Variants in FARP1 observed in about 807,000 individuals in gnomAD.
The protein encoded by FARP1 is FERM, ARH/RhoGEF and pleckstrin domain protein 1.
A neutral mutation model predicts 128.8 loss-of-function variants in FARP1; 52 were observed. The ratio of observed to expected loss-of-function variants is 0.40; its 90% CI spans 0.32 to 0.51. FARP1 has a LOEUF of 0.51. Ranked by LOEUF, FARP1 falls within the 20% of genes least tolerant of loss-of-function variation. The pLI, the probability that FARP1 is intolerant of heterozygous loss-of-function variation, is 0.45. For missense variants in FARP1, 1,333 were observed against 1,367.9 expected (o/e 0.97, Z 0.40); for synonymous variants, 580 against 551.8 (o/e 1.05, Z -0.72).
chr13:98,167,251 C>T (rs1877331728), intron 1 of FARP1, among the ~76,000 whole-genome samples: 1 of 151,936 alleles, frequency 6.6e-6, no homozygotes. Context: ...ATAGGCGTTC[C>T]TTTGTATATG....
At chr13:98,385,983 C>T in intron 8 of FARP1, 169 bp downstream of exon 8, 1 of 642,830 alleles carries the variant, frequency 1.6e-6, no homozygotes. Flanking sequence ...CCCTCAGCTC[C>T]CAGATTCTAT....
chr13:98,439,963 T>C lies in FARP1; in HGVS notation c.2436T>C (p.Ile812=). The C allele has an allele frequency of 6.4e-7, 1 of 1,568,902 alleles. No individual in the cohort carries two copies. The highest frequency in any genetic ancestry group is 1.2e-5 in the South Asian group (1 of 85,712). ...HGQLPLYGMT[I]EESEDEWGVP... ...ACGTTATCTTCTCTTGCCCACAGAT[T>C]GAGGAGAGCGAAGACGAGTGGGGGG... Residue 812 remains isoleucine (I), a splice_region_variant and synonymous_variant, in exon 22 of 27, where the codon ATT becomes ATC. Transcript: ENST00000319562.
intron 2 of FARP1, among the ~76,000 whole-genome samples, chr13:98,311,939 G>A (rs1161939144): frequency 3.3e-5 from 5 of 151,188 alleles, no homozygotes; most frequent in Non-Finnish European, 7.4e-5. Flanking sequence ...CGCCTCCCAG[G>A]TTCAAGCAGT....
At chr13:98,444,058 G>A (rs1413700399) in intron 24 of FARP1, among the ~76,000 whole-genome samples, 3 of 152,046 alleles carry the variant, frequency 2.0e-5, no homozygotes, top group Non-Finnish European at 4.4e-5. Flanking sequence ...GGGAGGCCTT[G>A]AGGGAAAATG....
intron 3 of FARP1, among the ~76,000 whole-genome samples, chr13:98,353,232 ACT>A (rs1316190395): frequency 6.6e-6 from 1 of 151,870 alleles, no homozygotes; most frequent in African/African-American, 2.4e-5. Flanking sequence ...TTACGATGAA[ACT>A]CTGCATAGTG....
At chr13:98,437,603 G>A (rs1360279233) in intron 19 of FARP1, among the ~76,000 whole-genome samples, 1 of 152,150 alleles carries the variant, frequency 6.6e-6, no homozygotes, top group African/African-American at 2.4e-5. Context: ...CGCGGTTGCA[G>A]CGAACTCACT....
intron 2 of FARP1, among the ~76,000 whole-genome samples, chr13:98,318,310 G>A (rs1408469427): frequency 2.6e-5 from 4 of 151,962 alleles, no homozygotes; most frequent in East Asian, 3.9e-4. Context: ...GCACACATTG[G>A]CCTTCCAAAA....
intron 16 of FARP1, among the ~76,000 whole-genome samples, chr13:98,422,170 C>G (rs1327486695): frequency 1.3e-5 from 2 of 152,266 alleles, no homozygotes; most frequent in East Asian, 1.9e-4. Flanking sequence ...AAGGGCTGGC[C>G]TGAAGATTAA....
At chr13:98,293,481 A>C (rs1885535101) in intron 2 of FARP1, among the ~76,000 whole-genome samples, 1 of 152,170 alleles carries the variant, frequency 6.6e-6, no homozygotes, top group South Asian at 2.1e-4. Flanking sequence ...CCCATCTCTG[A>C]GGTACCAGGC....
intron 1 of FARP1, among the ~76,000 whole-genome samples, chr13:98,191,816 G>A (rs1472602495): frequency 3.9e-5 from 6 of 152,200 alleles, no homozygotes; most frequent in Non-Finnish European, 8.8e-5. Flanking sequence ...GGTGGCGCAT[G>A]CCTGTAATCT....
At chr13:98,448,193 C>A in intron 26 of FARP1, 43 bp from the exon 27 acceptor site, 18 of 1,527,984 alleles carry the variant, frequency 1.2e-5, no homozygotes, top group Non-Finnish European at 1.6e-5. Flanking sequence ...GTCAGGAGTC[C>A]GTCCAAACAA....
intron 1 of FARP1, among the ~76,000 whole-genome samples, chr13:98,153,592 C>G (rs773545128): frequency 2.0e-4 from 10 of 50,560 alleles, no homozygotes; most frequent in Non-Finnish European, 6.1e-4. Flanking sequence ...GAGATAGACT[C>G]TTGCTTTGTT....
intron 2 of FARP1, among the ~76,000 whole-genome samples, chr13:98,314,020 TCC>T (rs1886607261): frequency 6.6e-6 from 1 of 152,116 alleles, no homozygotes. Flanking sequence ...AAGCTACAGG[TCC>T]CTCTTGTGTA....
intron 13 of FARP1, among the ~76,000 whole-genome samples, chr13:98,408,098 G>T (rs1383062131): frequency 6.6e-6 from 1 of 152,100 alleles, no homozygotes; most frequent in East Asian, 1.9e-4. Flanking sequence ...TAGTAGACAG[G>T]ACTGCAGGTT....
At position 98,395,407 on chromosome 13, in the gene FARP1, G is replaced by A; in HGVS notation, c.1345G>A (p.Glu449Lys). ...QADGAASAPT[E>K]EEEEVVKDRT... ...GGACGGAGCCGCCTCGGCGCCCACG[G>A]AGGAAGAGGAGGAGGTCGTTAAGGA... Residue 449 changes from glutamate (E) to lysine (K), a missense_variant, in exon 13 of 27, where the codon GAG becomes AAG. Physicochemically the swap from Glu to Lys is moderately conservative, Grantham distance 56. Coordinates refer to ENST00000319562, the MANE Select transcript of FARP1 (RefSeq NM_005766.4). The A allele has an allele frequency of 6.2e-7, 1 of 1,611,336 alleles. No individual in the cohort carries two copies. Among genetic ancestry groups the A allele is most frequent in the Non-Finnish European group, 8.5e-7 (1 of 1,178,762 alleles).
At chr13:98,181,775 T>C (rs770910164) in intron 1 of FARP1, among the ~76,000 whole-genome samples, 29 of 152,084 alleles carry the variant, frequency 1.9e-4, no homozygotes, top group Non-Finnish European at 3.2e-4. Flanking sequence ...ATTATAGACA[T>C]GAGCCACTGT....
At chr13:98,366,387 T>C (rs1219397264) in intron 4 of FARP1, among the ~76,000 whole-genome samples, 1 of 152,220 alleles carries the variant, frequency 6.6e-6, no homozygotes, top group Non-Finnish European at 1.5e-5. Flanking sequence ...ATGGCCATCA[T>C]TTAATATTTG....
intron 2 of FARP1, among the ~76,000 whole-genome samples, chr13:98,267,510 T>C (rs1436637088): frequency 6.6e-6 from 1 of 152,224 alleles, no homozygotes; most frequent in Non-Finnish European, 1.5e-5. Flanking sequence ...TTCCCAAGGT[T>C]GGACTCTCGG....
At chr13:98,270,483 A>G (rs1307550159) in intron 2 of FARP1, among the ~76,000 whole-genome samples, 1 of 152,196 alleles carries the variant, frequency 6.6e-6, no homozygotes, top group African/African-American at 2.4e-5. Context: ...ATGACTTACA[A>G]TGCCTCAGCG....
Sources: allele counts gnomAD v4.1 joint callset (sites outside exome capture counted in the v4.1 genomes callset), GRCh38; gene constraint gnomAD v4.1.1; transcripts MANE v1.5; gene names NCBI Gene and HGNC (gene_info 2026-07-23, HGNC 2026-07-21).